The following JAK2 variants were observed in gnomAD, a reference collection of about 807,000 sequenced individuals.
The protein encoded by JAK2 is tyrosine-protein kinase JAK2.
In JAK2, 86 loss-of-function variants were observed where a neutral mutation model predicts 139.3. The ratio of observed to expected loss-of-function variants is 0.62; its 90% confidence interval spans 0.52 to 0.74. The LOEUF is 0.74. JAK2 is among the 30% of genes least tolerant of loss of function. The probability of loss-of-function intolerance (pLI) is 0.00; values close to 1 mark genes in which losing one functional copy is unlikely to be tolerated. For synonymous variants in JAK2, 490 were observed against 437.7 expected (o/e 1.12, Z -1.49); for missense variants, 1,421 against 1,360.3 (o/e 1.04, Z -0.70).
intron 4 of JAK2, among the ~76,000 whole-genome samples, chr9:5,039,661 T>C (rs1253096190): frequency 7.2e-5 from 11 of 152,096 alleles, no homozygotes; most frequent in Non-Finnish European, 2.9e-5. Context: ...AAGATCAATA[T>C]ATAAAAATCA....
chr9:5,021,005 C>T (rs907097995), intron 2 of JAK2, among the ~76,000 whole-genome samples: 2 of 152,126 alleles, frequency 1.3e-5, no homozygotes, highest in African/African-American at 2.4e-5. Context: ...CAGGCAGCTC[C>T]CTATGTTACT....
At chr9:5,078,477 T>G in intron 16 of JAK2, 33 bp downstream of exon 16, 1 of 1,561,292 alleles carries the variant, frequency 6.4e-7, no homozygotes, top group Non-Finnish European at 8.7e-7. Flanking sequence ...ATAATGTTAC[T>G]AAGCTTTACT....
At position 5,089,688 on chromosome 9, in the gene JAK2, T is replaced by C. The variant is rs2230726; in HGVS notation, c.2586T>C (p.Ser862=). ...LQQLGKGNFG[S]VEMCRYDPLQ... is the part of the protein sequence containing the mutation. ...GTGTCATTTAGGGTAATTTTGGGAGTGTGGAGATGTGCCGGTATGACCCTC... is the reference window on the plus strand; with the variant it reads ...GTGTCATTTAGGGTAATTTTGGGAGCGTGGAGATGTGCCGGTATGACCCTC... The change falls in exon 20 of 25, where the codon AGT becomes AGC. Residue 862 remains serine, a synonymous_variant. Coordinates refer to ENST00000381652, the MANE Select transcript of JAK2 (RefSeq NM_004972.4). 4,254 of 1,396,506 alleles carry C rather than the reference T, an allele frequency of 3.0e-3. 106 individuals carry two copies. In the African/African-American group the frequency reaches 0.055, roughly 18 times the overall value. The allele number at this position is 1,396,506 out of a possible 1,614,324, so 86.5% of individuals were successfully genotyped here. A position where few individuals can be genotyped will look rare whatever the true frequency, so the allele number is the denominator to read the frequency against.
chr9:5,032,033 C>T (rs1823191477), intron 4 of JAK2, among the ~76,000 whole-genome samples: 1 of 152,220 alleles, frequency 6.6e-6, no homozygotes, highest in East Asian at 1.9e-4. Context: ...TGACAGACGG[C>T]ACCTGGAAAA....
chr9:5,050,941 G>A (rs1817374056), intron 6 of JAK2, 110 bp downstream of exon 6: 2 of 870,672 alleles, frequency 2.3e-6, no homozygotes, highest in African/African-American at 1.7e-5. Context: ...TACTAGTTAA[G>A]TACTCCTTAT....
intron 22 of JAK2, among the ~76,000 whole-genome samples, chr9:5,115,352 C>T (rs1047776145): frequency 6.6e-6 from 1 of 152,094 alleles, no homozygotes; most frequent in African/African-American, 2.4e-5. Context: ...AAATCAAAAC[C>T]AGAGTGAGGT....
chr9:5,123,186 G>A (rs77768782), intron 23 of JAK2, 65 bp downstream of exon 23: 10 of 1,118,286 alleles, frequency 8.9e-6, no homozygotes, highest in Non-Finnish European at 1.2e-5. Context: ...AAATTTATGG[G>A]GTACAAGTAC....
intron 22 of JAK2, among the ~76,000 whole-genome samples, chr9:5,102,769 C>T (rs1451489325): frequency 6.6e-6 from 1 of 152,114 alleles, no homozygotes; most frequent in African/African-American, 2.4e-5. Flanking sequence ...ACTTTTCAAC[C>T]CAGAATTTCA....
chr9:5,079,008 A>G (rs1819496291), intron 16 of JAK2, among the ~76,000 whole-genome samples: 1 of 152,196 alleles, frequency 6.6e-6, no homozygotes, highest in Non-Finnish European at 1.5e-5. Context: ...GTTATCTTAG[A>G]TAATTTCTCT....
intron 8 of JAK2, among the ~76,000 whole-genome samples, chr9:5,064,103 C>G (rs987442081): frequency 6.6e-5 from 10 of 152,308 alleles, no homozygotes; most frequent in African/African-American, 2.4e-4. Context: ...TTGCAGTGAG[C>G]CAAGATCGCG....
chr9:5,078,332 T>C lies in JAK2; in HGVS notation c.2019T>C (p.Asn673=), dbSNP rs1229653906. The C allele has an allele frequency of 6.2e-7, 1 of 1,612,580 alleles. No homozygotes were observed. The highest frequency in any genetic ancestry group is 1.7e-5 in the Admixed American group (1 of 59,992). ...AAGAAAACACCCTTATTCATGGGAA[T>C]GTATGTGCCAAAAATATTCTGCTTA... is the stretch of plus-strand genomic sequence containing the variant. ...FLEENTLIHG[N]VCAKNILLIR... The change falls in exon 16 of 25, where the codon AAT becomes AAC. Residue 673 remains asparagine, a synonymous_variant. Coordinates refer to ENST00000381652, the MANE Select transcript of JAK2 (RefSeq NM_004972.4).
Position 5,054,894 on chromosome 9 carries a change from A to G in JAK2, c.936+10A>G, listed in dbSNP as rs779335722. On this transcript the variant is annotated intron_variant, in intron 7 of 24. Coordinates refer to ENST00000381652, the MANE Select transcript of JAK2 (RefSeq NM_004972.4). The surrounding 1 kb of genome is among the most constrained non-coding windows in gnomAD (Gnocchi z 4.9). ...GACACTGACAGAACAGGTAATCCTT[A>G]ATGATATGTTCTTGTTCTTTGTTAT... 6.5e-7 allele frequency: 1 copy of G among 1,540,530 alleles called. No individual in the cohort carries two copies. Among genetic ancestry groups the G allele is most frequent in the Non-Finnish European group, 8.8e-7 (1 of 1,132,238 alleles).
intron 5 of JAK2, among the ~76,000 whole-genome samples, chr9:5,045,496 A>G (rs1816940758): frequency 6.6e-6 from 1 of 152,236 alleles, no homozygotes; most frequent in African/African-American, 2.4e-5. Context: ...CTGTACAACC[A>G]TCACCACCAT....
intron 3 of JAK2, among the ~76,000 whole-genome samples, chr9:5,027,169 T>G (rs1206613473): frequency 6.6e-6 from 1 of 152,188 alleles, no homozygotes; most frequent in Non-Finnish European, 1.5e-5. Context: ...AATATCTGCT[T>G]GAAAGAGTCT....
chr9:5,108,543 A>C (rs1436716628), intron 22 of JAK2: 1 of 151,888 alleles, frequency 6.6e-6, no homozygotes, highest in Admixed American at 6.6e-5. Context: ...AGTAAAAATA[A>C]CTCTATTCGG....
chr9:4,998,741 CAA>C (rs147867540), intron 2 of JAK2, among the ~76,000 whole-genome samples: 6 of 143,766 alleles, frequency 4.2e-5, no homozygotes, highest in East Asian at 4.0e-4. Flanking sequence ...CCACAAAAAA[CAA>C]AAAAAAAAAC....
intron 22 of JAK2, among the ~76,000 whole-genome samples, chr9:5,120,590 G>A (rs1823541034): frequency 6.6e-6 from 1 of 152,132 alleles, no homozygotes; most frequent in African/African-American, 2.4e-5. Context: ...ACAGGATTTT[G>A]GACTCCTGGA....
chr9:5,089,836 A>C lies in JAK2; in HGVS notation c.2734A>C (p.Lys912Gln). Reference protein sequence around the residue: ...LKSLQHDNIVKYKGVCYSAGR... With the variant: ...LKSLQHDNIVQYKGVCYSAGR... ...ATCCCTACAGCATGACAACATTGTA[A>C]AGTACAAGGGAGTGTGCTACAGTGC... The change falls in exon 20 of 25, where the codon AAG becomes CAG. Residue 912 changes from lysine (K) to glutamine (Q), a missense_variant. Lys to Gln is a moderately conservative substitution (Grantham distance 53, BLOSUM62 1). Transcript: ENST00000381652. The C allele has an allele frequency of 6.3e-7, 1 of 1,582,976 alleles. No homozygotes were observed. Among genetic ancestry groups the C allele is most frequent in the South Asian group, 1.2e-5 (1 of 86,506 alleles).
At chr9:5,022,676 T>C (rs1255048273) in intron 3 of JAK2, among the ~76,000 whole-genome samples, 1 of 152,234 alleles carries the variant, frequency 6.6e-6, no homozygotes, top group Non-Finnish European at 1.5e-5. Flanking sequence ...CTTATGTCTT[T>C]GGTGTATCTT....
Sources: gnomAD v4.1 joint callset for allele counts (sites outside exome capture counted in the v4.1 genomes callset) on GRCh38, gnomAD v4.1.1 for gene constraint, Gnocchi (gnomAD v3.1) non-coding constraint, MANE v1.5 for transcripts, NCBI Gene and HGNC (gene_info 2026-07-23, HGNC 2026-07-21) for gene names.